Variants in CNGA3 observed in about 807,000 individuals in gnomAD.
CNGA3 encodes cyclic nucleotide-gated channel alpha-3.
A neutral mutation model predicts 46.6 loss-of-function variants in CNGA3; 42 were observed. The ratio of observed to expected loss-of-function variants is 0.90; its 90% CI spans 0.70 to 1.17. The LOEUF (loss-of-function observed/expected upper bound fraction) is 1.17, where lower values mean the gene tolerates loss of function less well. Among genes scored for constraint, CNGA3 ranks in the 50% most tolerant of loss-of-function variants. CNGA3 has a pLI of 0.00. For missense variants in CNGA3, 893 were observed against 890.7 expected, an observed-to-expected ratio of 1.00 and a Z score of -0.03; for synonymous variants, 394 against 369.4, an observed-to-expected ratio of 1.07 and a Z score of -0.76.
At chr2:98,393,896 G>A (rs943278158) in intron 7 of CNGA3, among the ~76,000 whole-genome samples, 3 of 151,752 alleles carry the variant, frequency 2.0e-5, no homozygotes, top group African/African-American at 4.8e-5. Flanking sequence ...CCTCAGTAAC[G>A]CATGTATAAC....
chr2:98,380,380 C>T (rs780051678), intron 4 of CNGA3, 26 bp downstream of exon 4: 3 of 1,605,226 alleles, frequency 1.9e-6, no homozygotes, highest in African/African-American at 1.3e-5. Flanking sequence ...GAAGAAGGGG[C>T]CTCTGGTGCC....
chr2:98,380,310 C>T lies in CNGA3; in HGVS notation c.351C>T (p.Ala117=). Residue 117 remains alanine, a synonymous_variant, in exon 4 of 8, where the codon GCC becomes GCT. Transcript: ENST00000272602. ...LKEVSSQESN[A]QANVGSQEPA... ...AGGTGTCCAGCCAAGAAAGCAATGC[C>T]CAGGCAAATGTGGGCAGCCAGGAGC... 1 of 1,614,140 alleles carries T rather than the reference C, an allele frequency of 6.2e-7. No homozygotes were observed. Among genetic ancestry groups the T allele is most frequent in the Middle Eastern group, 1.6e-4 (1 of 6,062 alleles).
At position 98,370,057 on chromosome 2, in the gene CNGA3, G is replaced by A. The variant is rs762107596; in HGVS notation, c.82G>A (p.Ala28Thr). The A allele has an allele frequency of 3.2e-5, 51 of 1,613,258 alleles. No homozygotes were observed. Among genetic ancestry groups the A allele is most frequent in the East Asian group, 1.3e-4 (6 of 44,878 alleles). Residue 28 changes from alanine (A) to threonine (T), a missense_variant, in exon 2 of 8, where the codon GCT (alanine) becomes ACT (threonine). Ala to Thr is a moderately conservative substitution (Grantham distance 58, BLOSUM62 0). Coordinates refer to ENST00000272602, the MANE Select transcript of CNGA3 (RefSeq NM_001298.3). ...GACCTCAGACCGAGATCTCAATCGC[G>A]CTGAAAATGGCCTCAGCAGGTAAGA... ...VKTSDRDLNR[A>T]ENGLSRAHSS...
intron 2 of CNGA3, among the ~76,000 whole-genome samples, chr2:98,375,796 A>G (rs569484511): frequency 2.0e-5 from 3 of 152,096 alleles, no homozygotes; most frequent in Non-Finnish European, 4.4e-5. Flanking sequence ...GGGCAGCTTC[A>G]TGGAGTGGAT....
At chr2:98,353,310 T>G (rs557073803) in intron 1 of CNGA3, among the ~76,000 whole-genome samples, 1 of 120,434 alleles carries the variant, frequency 8.3e-6, no homozygotes, top group African/African-American at 2.5e-5. Context: ...ATATTAACAT[T>G]TTATAGTTCT....
intron 2 of CNGA3, among the ~76,000 whole-genome samples, chr2:98,375,693 G>T (rs1376962602): frequency 6.6e-6 from 1 of 152,200 alleles, no homozygotes; most frequent in Non-Finnish European, 1.5e-5. Context: ...CAGCCATATG[G>T]ATTACAGCAA....
chr2:98,397,306 T>C lies in CNGA3; in HGVS notation c.*51T>C. 6 of 1,573,782 alleles carry C rather than the reference T, an allele frequency of 3.8e-6. No individual in the cohort carries two copies. Among genetic ancestry groups the C allele is most frequent in the East Asian group, 2.2e-5 (1 of 44,502 alleles). ...ACAGGGTCGACTGTCAGGGTGACCGTATGTGGCCGCAGCTGTGTGGCATGG... is the reference window on the plus strand; with the variant it reads ...ACAGGGTCGACTGTCAGGGTGACCGCATGTGGCCGCAGCTGTGTGGCATGG... On this transcript the variant is annotated 3_prime_UTR_variant, in exon 8 of 8. Transcript: ENST00000272602.
At chr2:98,391,789 C>A in intron 6 of CNGA3, 75 bp from the exon 7 acceptor site, 1 of 1,390,184 alleles carries the variant, frequency 7.2e-7, no homozygotes, top group Non-Finnish European at 1.0e-6. Context: ...CCACACAGAG[C>A]CCGTGCCCAC....
rs376847156 is a variant in CNGA3, at chr2:98,380,178, G to T, written c.219G>T (p.Leu73=). The change falls in exon 4 of 8, where the codon CTG becomes CTT. Residue 73 remains leucine (L), a synonymous_variant. Coordinates refer to ENST00000272602, the MANE Select transcript of CNGA3 (RefSeq NM_001298.3). The part of the protein sequence containing the change: ...GSFTGQGIAR[L]SRLIFLLRRW... ...CAGTGCTTGTGTCACCTTCCAGGCT[G>T]TCGCGCCTCATCTTCTTGCTGCGCA... 1.2e-6 allele frequency: 2 copies of T among 1,614,046 alleles called. No individual in the cohort carries two copies. The highest frequency in any genetic ancestry group is 2.7e-5 in the African/African-American group (2 of 74,944).
At chr2:98,355,237 A>AGGAC (rs1490771648) in intron 1 of CNGA3, among the ~76,000 whole-genome samples, 1 of 152,202 alleles carries the variant, frequency 6.6e-6, no homozygotes, top group Admixed American at 6.5e-5. Context: ...TTGCATATTA[A>AGGAC]TCTGAGTTTC....
chr2:98,347,234 T>C (rs563252581), intron 1 of CNGA3: 1 of 152,294 alleles, frequency 6.6e-6, no homozygotes, highest in South Asian at 2.1e-4. Flanking sequence ...CGGTTACTTT[T>C]TTTAATGATA....
Position 98,396,160 on chromosome 2 carries a change from T to C in CNGA3, c.990T>C (p.Phe330=). ...IYFAISKFIG[F]GTDSWVYPNI... is the part of the protein sequence containing the mutation. ...TTGCCATTTCCAAGTTCATTGGTTT[T>C]GGGACAGACTCCTGGGTCTACCCAA... Residue 330 remains phenylalanine (F), a synonymous_variant, in exon 8 of 8, where the codon TTT becomes TTC. Coordinates refer to ENST00000272602, the MANE Select transcript of CNGA3 (RefSeq NM_001298.3). 1 of 1,614,218 alleles carries C rather than the reference T, an allele frequency of 6.2e-7. No individual in the cohort carries two copies.
intron 1 of CNGA3, among the ~76,000 whole-genome samples, chr2:98,359,744 C>G (rs1691980745): frequency 6.6e-6 from 1 of 152,234 alleles, no homozygotes; most frequent in South Asian, 2.1e-4. Flanking sequence ...CTGGCCACAT[C>G]TCCAGGCTCT....
intron 1 of CNGA3, among the ~76,000 whole-genome samples, chr2:98,355,309 C>CA (rs1284784397): frequency 1.3e-5 from 2 of 152,074 alleles, no homozygotes; most frequent in Non-Finnish European, 2.9e-5. Flanking sequence ...ATACAGTTTC[C>CA]AAAAATATTA....
chr2:98,369,577 C>G (rs1400264878), intron 1 of CNGA3, among the ~76,000 whole-genome samples: 1 of 152,110 alleles, frequency 6.6e-6, no homozygotes, highest in Non-Finnish European at 1.5e-5. Context: ...AACAAGAAAA[C>G]CAGGGTCAAG....
intron 4 of CNGA3, among the ~76,000 whole-genome samples, chr2:98,381,241 C>T (rs1161846787): frequency 6.6e-6 from 1 of 152,120 alleles, no homozygotes; most frequent in Non-Finnish European, 1.5e-5. Flanking sequence ...GGGAAGCTGA[C>T]CTCCCCTCGG....
chr2:98,380,283 G>C lies in CNGA3; in HGVS notation c.324G>C (p.Lys108Asn), dbSNP rs368478627. The C allele has an allele frequency of 1.9e-5, 30 of 1,614,238 alleles. No homozygotes were observed. In the African/African-American group the frequency reaches 2.9e-4, roughly 16 times the overall value. Residue 108 changes from lysine (K) to asparagine (N), a missense_variant, in exon 4 of 8, where the codon AAG (lysine) becomes AAC (asparagine). Lys to Asn is a moderately conservative substitution (Grantham distance 94). Coordinates refer to ENST00000272602, the MANE Select transcript of CNGA3 (RefSeq NM_001298.3). ...ATCGTTTCCGTGGAGCCGAGCTTAA[G>C]GAGGTGTCCAGCCAAGAAAGCAATG... The part of the protein sequence containing the change: ...FPDRFRGAEL[K>N]EVSSQESNAQ...
intron 1 of CNGA3, among the ~76,000 whole-genome samples, chr2:98,366,273 A>C (rs1452467599): frequency 6.6e-6 from 1 of 152,168 alleles, no homozygotes; most frequent in Admixed American, 6.5e-5. Context: ...CTGCTCCTTC[A>C]TCCGGGAGAT....
chr2:98,395,878 C>G lies in CNGA3; in HGVS notation c.708C>G (p.Thr236=). 6.2e-7 allele frequency: 1 copy of G among 1,614,142 alleles called. No homozygotes were observed. Among genetic ancestry groups the G allele is most frequent in the Non-Finnish European group, 8.5e-7 (1 of 1,180,030 alleles). Residue 236 remains threonine (T), a synonymous_variant, in exon 8 of 8, where the codon ACC becomes ACG. Coordinates refer to ENST00000272602, the MANE Select transcript of CNGA3 (RefSeq NM_001298.3). ...AGCAAGGCTTAATGGTCAGTGATAC[C>G]AACAGGCTGTGGCAGCATTACAAGA... is the stretch of plus-strand genomic sequence containing the variant. ...FLEQGLMVSD[T]NRLWQHYKTT...
Sources: gnomAD v4.1 joint callset for allele counts (sites outside exome capture counted in the v4.1 genomes callset) on GRCh38, gnomAD v4.1.1 for gene constraint, MANE v1.5 for transcripts, NCBI Gene and HGNC (gene_info 2026-07-23, HGNC 2026-07-21) for gene names.